XIRP2: variants seen among roughly 807,000 people sequenced by gnomAD.
XIRP2 encodes xin actin-binding repeat-containing protein 2.
Under a neutral mutation model 277.0 loss-of-function variants are expected in XIRP2, and 236 were observed. The ratio of observed to expected loss-of-function variants is 0.85; its 90% CI spans 0.77 to 0.95. XIRP2 has a LOEUF of 0.95. Ranked by LOEUF, XIRP2 falls within the 40% of genes least tolerant of loss-of-function variation. The probability of loss-of-function intolerance (pLI) is 0.00; values close to 1 mark genes in which losing one functional copy is unlikely to be tolerated. For missense variants in XIRP2, 4,640 were observed against 4,157.5 expected (o/e 1.12, Z -3.19); for synonymous variants, 1,490 against 1,416.5 (o/e 1.05, Z -1.17).
chr2:166,944,125 GTTTGTC>G (rs2105386705), intron 2 of XIRP2, among the ~76,000 whole-genome samples: 1 of 152,290 alleles, frequency 6.6e-6, no homozygotes, highest in South Asian at 2.1e-4. Flanking sequence ...TAAGCCAGAT[GTTTGTC>G]TTTGATTTTC....
At chr2:166,916,883 A>G (rs1177907801) in intron 2 of XIRP2, among the ~76,000 whole-genome samples, 1 of 152,194 alleles carries the variant, frequency 6.6e-6, no homozygotes, top group East Asian at 1.9e-4. Flanking sequence ...AAGGAGATTA[A>G]TACACCACCT....
chr2:167,181,027 T>C (rs1692992991), intron 3 of XIRP2, among the ~76,000 whole-genome samples: 1 of 152,248 alleles, frequency 6.6e-6, no homozygotes, highest in Admixed American at 6.5e-5. Context: ...CTTCCTTTTG[T>C]ATGGTACAAA....
chr2:167,022,716 T>C (rs1005510591), intron 2 of XIRP2, among the ~76,000 whole-genome samples: 1 of 152,056 alleles, frequency 6.6e-6, no homozygotes, highest in African/African-American at 2.4e-5. Context: ...TTTTTGTCCT[T>C]GCGGTAGTTT....
intron 2 of XIRP2, among the ~76,000 whole-genome samples, chr2:167,067,906 T>C (rs1689339000): frequency 6.6e-6 from 1 of 152,198 alleles, no homozygotes; most frequent in South Asian, 2.1e-4. Flanking sequence ...GTTTTCAGTT[T>C]TCCATATTCA....
At position 167,249,345 on chromosome 2, in the gene XIRP2, C is replaced by A; in HGVS notation, c.7953C>A (p.Asp2651Glu). 13 of 1,613,638 alleles carry A rather than the reference C, an allele frequency of 8.1e-6. No individual in the cohort carries two copies. The highest frequency in any genetic ancestry group is 1.1e-5 in the Non-Finnish European group (13 of 1,179,778). The change falls in exon 9 of 11, where the codon GAC becomes GAA. Residue 2651 changes from aspartate (D) to glutamate (E), a missense_variant. Physicochemically the swap from Asp to Glu is conservative, Grantham distance 45. Transcript: ENST00000409195. ...RLHHVLAASE[D>E]KDKMKKEVLQ... ...ACCATGTTTTAGCAGCTTCAGAAGA[C>A]AAAGATAAGATGAAAAAGGAAGTTT...
At chr2:167,155,840 A>G (rs1318767505) in intron 3 of XIRP2, among the ~76,000 whole-genome samples, 1 of 151,796 alleles carries the variant, frequency 6.6e-6, no homozygotes, top group Non-Finnish European at 1.5e-5. Context: ...TTGTATATCT[A>G]GAAAACCCCA....
intron 1 of XIRP2, among the ~76,000 whole-genome samples, chr2:166,901,282 C>T (rs961238521): frequency 2.6e-5 from 4 of 151,996 alleles, no homozygotes; most frequent in Admixed American, 2.0e-4. Context: ...GGGAATTCAC[C>T]GCCTTATTGT....
intron 2 of XIRP2, among the ~76,000 whole-genome samples, chr2:167,117,414 C>T (rs1322385609): frequency 1.3e-5 from 2 of 152,148 alleles, no homozygotes; most frequent in Admixed American, 1.3e-4. Flanking sequence ...CAAATGCGAC[C>T]TTTGTTTAGT....
chr2:166,986,481 G>A (rs1003889254), intron 2 of XIRP2, among the ~76,000 whole-genome samples: 4 of 152,182 alleles, frequency 2.6e-5, no homozygotes, highest in South Asian at 2.1e-4. Flanking sequence ...GTTGCTAGCC[G>A]CATAGCTATG....
In XIRP2 at chr2:167,251,481, C is replaced by T. The variant is rs1695500887; in HGVS notation, c.10089C>T (p.Asn3363=). Residue 3363 remains asparagine (N), a synonymous_variant, in exon 9 of 11, where the codon AAC becomes AAT. Coordinates refer to ENST00000409195, the MANE Select transcript of XIRP2 (RefSeq NM_152381.6). ...ATGCAAAGGGAGAAACAAACCATAA[C>T]ATACAACAAGAAAGTCGTACATTTT... The part of the protein sequence containing the change: ...RVYAKGETNH[N]IQQESRTFCK... The T allele has an allele frequency of 1.9e-6, 3 of 1,613,518 alleles. No individual in the cohort carries two copies. Among genetic ancestry groups the T allele is most frequent in the South Asian group, 2.2e-5 (2 of 91,062 alleles).
At chr2:166,905,345 G>A (rs377535014) in intron 2 of XIRP2, among the ~76,000 whole-genome samples, 49 of 151,916 alleles carry the variant, frequency 3.2e-4, no homozygotes, top group Admixed American at 1.2e-3. Flanking sequence ...AGAAAAAGTC[G>A]TCTATATAAA....
intron 2 of XIRP2, among the ~76,000 whole-genome samples, chr2:167,118,833 A>G (rs111901556): frequency 0.03 from 4,619 of 152,286 alleles, 79 homozygotes; most frequent in East Asian, 0.05. Flanking sequence ...ATGAAGGTGA[A>G]ATAACCCACA....
Position 167,250,332 on chromosome 2 carries a change from AAAT to A in XIRP2, c.8942_8944del (p.Asn2981del), listed in dbSNP as rs1188028626. 1 of 1,613,628 alleles carries A rather than the reference AAAT, an allele frequency of 6.2e-7. No individual in the cohort carries two copies. On this transcript the variant is annotated inframe_deletion, in exon 9 of 11. Coordinates refer to ENST00000409195, the MANE Select transcript of XIRP2 (RefSeq NM_152381.6). ...GCCTTAAAACATTTCAGACACTATTAAATACTATCCCAGGATGGCTGATAAGTG... is the reference window on the plus strand; with the variant it reads ...GCCTTAAAACATTTCAGACACTATTAACTATCCCAGGATGGCTGATAAGTG...
At chr2:167,188,886 G>T (rs1030190656) in intron 3 of XIRP2, among the ~76,000 whole-genome samples, 1 of 152,172 alleles carries the variant, frequency 6.6e-6, no homozygotes, top group African/African-American at 2.4e-5. Context: ...AAAATAAAAT[G>T]AGACATTCTT....
Position 167,133,460 on chromosome 2 carries a change from A to G in XIRP2, c.409-2449A>G, listed in dbSNP as rs577494649. Among the ~76,000 whole-genome samples, 6 of 152,350 alleles carry G rather than the reference A, an allele frequency of 3.9e-5. No homozygotes were observed. The South Asian group carries it at 8.3e-4, about 21-fold the overall frequency. On this transcript the variant is annotated intron_variant, in intron 2 of 10. Transcript: ENST00000409195. Reference sequence around the variant, plus strand: ...AGATTGTTCCTTACTGCCTCCGTACAAGATGCACTCTTGATACTTGTGAAT... The same window carrying G: ...AGATTGTTCCTTACTGCCTCCGTACGAGATGCACTCTTGATACTTGTGAAT...
At chr2:167,208,583 C>T (rs989490163) in intron 3 of XIRP2, among the ~76,000 whole-genome samples, 1 of 152,174 alleles carries the variant, frequency 6.6e-6, no homozygotes, top group Non-Finnish European at 1.5e-5. Context: ...GCTGGGATTA[C>T]AGGTGTGAGC....
At chr2:167,175,877 C>A (rs567095223) in intron 3 of XIRP2, among the ~76,000 whole-genome samples, 7 of 152,306 alleles carry the variant, frequency 4.6e-5, no homozygotes, top group African/African-American at 1.7e-4. Flanking sequence ...GCTACAGCAG[C>A]TTTGCCTAGC....
intron 2 of XIRP2, among the ~76,000 whole-genome samples, chr2:167,043,398 A>G (rs77780942): frequency 0.015 from 2,232 of 152,158 alleles, 24 homozygotes; most frequent in Middle Eastern, 0.031. Context: ...GATCAATGAA[A>G]CCAAAATTTG....
At chr2:166,979,583 T>G (rs1686814272) in intron 2 of XIRP2, among the ~76,000 whole-genome samples, 1 of 151,912 alleles carries the variant, frequency 6.6e-6, no homozygotes, top group Non-Finnish European at 1.5e-5. Context: ...CTGCAACGGT[T>G]GTTTTTACCA....
Sources: allele counts gnomAD v4.1 joint callset (sites outside exome capture counted in the v4.1 genomes callset), GRCh38; gene constraint gnomAD v4.1.1; transcripts MANE v1.5; gene names NCBI Gene and HGNC (gene_info 2026-07-23, HGNC 2026-07-21).